ANO10: variants seen among roughly 807,000 people sequenced by gnomAD.
ANO10 encodes anoctamin 10.
A neutral mutation model predicts 74.7 loss-of-function variants in ANO10; 77 were observed. The ratio of observed to expected loss-of-function variants is 1.03; its 90% CI spans 0.86 to 1.25. The LOEUF is 1.25. Ranked by LOEUF, ANO10 falls within the 50% of genes most tolerant of loss-of-function variation. The pLI is 0.00. For missense variants in ANO10, 721 were observed against 778.1 expected (o/e 0.93, Z 0.87); for synonymous variants, 279 against 284.9 (o/e 0.98, Z 0.21).
chr3:43,629,901 A>C (rs748574799), intron 1 of ANO10, among the ~76,000 whole-genome samples: 1 of 152,204 alleles, frequency 6.6e-6, no homozygotes, highest in Non-Finnish European at 1.5e-5. Context: ...TATCAACAGA[A>C]AATGATATTT....
intron 12 of ANO10, among the ~76,000 whole-genome samples, chr3:43,392,416 A>G (rs907715346): frequency 2.0e-5 from 3 of 152,220 alleles, no homozygotes; most frequent in Non-Finnish European, 4.4e-5. Context: ...CCTGTTCTGC[A>G]TCTTGCAAAA....
intron 11 of ANO10, among the ~76,000 whole-genome samples, chr3:43,499,807 T>G (rs918686616): frequency 1.3e-5 from 2 of 151,970 alleles, no homozygotes; most frequent in Admixed American, 6.6e-5. Context: ...AAGCAAAATA[T>G]AGGCTTGTTA....
intron 1 of ANO10, among the ~76,000 whole-genome samples, chr3:43,673,289 C>T (rs1045103454): frequency 1.4e-4 from 21 of 152,320 alleles, no homozygotes; most frequent in Admixed American, 1.2e-3. Flanking sequence ...TGTTTGTTTT[C>T]TGCCACAAGT....
intron 7 of ANO10, among the ~76,000 whole-genome samples, chr3:43,567,026 C>T (rs1245969714): frequency 6.6e-6 from 1 of 151,888 alleles, no homozygotes; most frequent in Admixed American, 6.6e-5. Context: ...TCGAGAACTA[C>T]GTGAAGAATG....
In ANO10 at chr3:43,600,665, T is replaced by C. The variant is rs184207944; in HGVS notation, c.140-84A>G. Reference sequence around the variant, plus strand: ...ACTTTCTAAATAAATATAATGTTTCTAGTCTGGTAGAAGAAAAAGAAATTA... The same window carrying C: ...ACTTTCTAAATAAATATAATGTTTCCAGTCTGGTAGAAGAAAAAGAAATTA... On this transcript the variant is annotated intron_variant, in intron 2 of 12. Transcript: ENST00000292246. 4.2e-6 allele frequency: 5 copies of C among 1,178,926 alleles called. 1 individual carries two copies. In the Admixed American group the frequency reaches 6.7e-5, roughly 16 times the overall value. 73.0% of individuals were successfully genotyped at this position (1,178,926 alleles called of 1,614,324 possible). A position where few individuals can be genotyped will look rare whatever the true frequency, so the allele number is the denominator to read the frequency against.
At chr3:43,553,694 C>G (rs1224945060) in intron 10 of ANO10, among the ~76,000 whole-genome samples, 2 of 152,136 alleles carry the variant, frequency 1.3e-5, no homozygotes, top group Non-Finnish European at 2.9e-5. Context: ...CACCACCACG[C>G]CCAGCTAATT....
At chr3:43,689,567 T>C (rs1434523001) in intron 1 of ANO10, 3 of 152,244 alleles carry the variant, frequency 2.0e-5, no homozygotes, top group East Asian at 3.8e-4. Context: ...GTTATTACTA[T>C]GCCTAAGAGA....
chr3:43,489,005 T>C lies in ANO10; in HGVS notation c.1798-56278A>G, dbSNP rs541703227. On this transcript the variant is annotated intron_variant, in intron 11 of 12. Transcript: ENST00000292246. ...CTATGCAGCCATAAAAAATGATGAG[T>C]TCATGTCCTTTGTAGGGACATGGAT... is the stretch of plus-strand genomic sequence containing the variant. 2.0e-3 allele frequency among the ~76,000 whole-genome samples: 309 copies of C among 151,436 alleles called. 1 individual carries two copies. The highest frequency in any genetic ancestry group is 7.2e-3 in the African/African-American group (299 of 41,258).
At chr3:43,480,350 G>GT (rs1167733787) in intron 11 of ANO10, among the ~76,000 whole-genome samples, 2 of 152,194 alleles carry the variant, frequency 1.3e-5, no homozygotes, top group South Asian at 2.1e-4. Context: ...GTCTGCAAGT[G>GT]TTAAGTCCCT....
At chr3:43,473,011 C>T (rs1002464963) in intron 11 of ANO10, among the ~76,000 whole-genome samples, 15 of 127,300 alleles carry the variant, frequency 1.2e-4, no homozygotes, top group Non-Finnish European at 2.3e-4. Flanking sequence ...GGGTTAAAGG[C>T]ATACAACTAT....
intron 12 of ANO10, among the ~76,000 whole-genome samples, chr3:43,403,762 G>A (rs532182144): frequency 2.6e-5 from 4 of 152,256 alleles, no homozygotes; most frequent in South Asian, 2.1e-4. Flanking sequence ...AATATCACCC[G>A]ATTCCTACTG....
intron 11 of ANO10, among the ~76,000 whole-genome samples, chr3:43,480,970 T>TATTATATAATA (rs2076245573): frequency 9.8e-5 from 1 of 10,182 alleles, no homozygotes; most frequent in African/African-American, 1.9e-4. Flanking sequence ...TACATTGTAT[T>TATTATATAATA]ATTGTATAAT....
intron 11 of ANO10, among the ~76,000 whole-genome samples, chr3:43,469,450 A>T (rs538497034): frequency 1.5e-4 from 23 of 152,298 alleles, no homozygotes; most frequent in Admixed American, 1.2e-3. Flanking sequence ...AAGGCACATG[A>T]CCTGTCAAGA....
chr3:43,376,442 TA>T (rs375603077), intron 12 of ANO10, among the ~76,000 whole-genome samples: 1 of 152,258 alleles, frequency 6.6e-6, no homozygotes, highest in Non-Finnish European at 1.5e-5. Flanking sequence ...GGTATAATTA[TA>T]AATAAAAAGA....
Position 43,516,853 on chromosome 3 carries a change from T to C in ANO10, c.1797+32867A>G, listed in dbSNP as rs575143064. 2.0e-5 allele frequency among the ~76,000 whole-genome samples: 3 copies of C among 152,204 alleles called. No individual in the cohort carries two copies. In the East Asian group the frequency reaches 5.8e-4, roughly 29 times the overall value. ...AAAATAATGTTCCTATTTGTTGAGATTATAAAACAGAGTAGGAAGGAAGCA... is the reference window on the plus strand; with the variant it reads ...AAAATAATGTTCCTATTTGTTGAGACTATAAAACAGAGTAGGAAGGAAGCA... On this transcript the variant is annotated intron_variant, in intron 11 of 12. Coordinates refer to ENST00000292246, the MANE Select transcript of ANO10 (RefSeq NM_018075.5).
intron 1 of ANO10, chr3:43,690,751 G>T (rs116844757): frequency 2.3e-6 from 1 of 427,276 alleles, no homozygotes. Context: ...GTCCCGCCCC[G>T]CGCTTACACC....
intron 11 of ANO10, among the ~76,000 whole-genome samples, chr3:43,543,018 T>C (rs1197864384): frequency 6.6e-6 from 1 of 152,182 alleles, no homozygotes; most frequent in Non-Finnish European, 1.5e-5. Context: ...CTGGCCTCAC[T>C]CTGAAGTCAA....
At chr3:43,391,150 G>A (rs925130149) in intron 12 of ANO10, among the ~76,000 whole-genome samples, 24 of 152,234 alleles carry the variant, frequency 1.6e-4, no homozygotes, top group African/African-American at 5.5e-4. Context: ...TCATGTCAGC[G>A]TATATTTCTA....
chr3:43,381,664 G>C (rs1420985721), intron 12 of ANO10, among the ~76,000 whole-genome samples: 1 of 152,166 alleles, frequency 6.6e-6, no homozygotes, highest in Non-Finnish European at 1.5e-5. Flanking sequence ...AGGTCATTAA[G>C]ACAGAAAGTC....
Sources: allele counts gnomAD v4.1 joint callset (sites outside exome capture counted in the v4.1 genomes callset), GRCh38; gene constraint gnomAD v4.1.1; transcripts MANE v1.5; gene names NCBI Gene and HGNC (gene_info 2026-07-23, HGNC 2026-07-21).